Variants in ITFG1 observed in about 807,000 individuals in gnomAD.
ITFG1 encodes T-cell immunomodulatory protein.
A neutral mutation model predicts 81.8 loss-of-function variants in ITFG1; 34 were observed. That is an observed-to-expected ratio of 0.42 (90% CI 0.32 to 0.55). The LOEUF (loss-of-function observed/expected upper bound fraction) is 0.55. Among genes scored for constraint, ITFG1 ranks in the 20% least tolerant of loss-of-function variants. ITFG1 has a pLI of 0.17. For missense variants in ITFG1, 672 were observed against 755.4 expected (o/e 0.89, Z 1.29); for synonymous variants, 285 against 270.6 (o/e 1.05, Z -0.52).
chr16:47,366,694 CCT>C (rs748401377), intron 7 of ITFG1, among the ~76,000 whole-genome samples: 2 of 152,238 alleles, frequency 1.3e-5, no homozygotes, highest in South Asian at 4.2e-4. Flanking sequence ...TTATCACTGA[CCT>C]CTCTATTTTC....
At chr16:47,332,625 T>C (rs1274540635) in intron 8 of ITFG1, among the ~76,000 whole-genome samples, 1 of 152,206 alleles carries the variant, frequency 6.6e-6, no homozygotes, top group Non-Finnish European at 1.5e-5. Context: ...TAAAAGGCCA[T>C]AGAAATTATG....
rs139606914 is a variant in ITFG1 at position 47,348,489 on chromosome 16, G to A, written c.802+17299C>T. Among the ~76,000 whole-genome samples, 9 of 152,252 alleles carry A rather than the reference G, an allele frequency of 5.9e-5. No homozygotes were observed. The East Asian group carries it at 1.7e-3, about 29-fold the overall frequency. On this transcript the variant is annotated intron_variant, in intron 8 of 17. Coordinates refer to ENST00000320640, the MANE Select transcript of ITFG1 (RefSeq NM_030790.5). ...TGGAAGATCAAATGAGCAAAATGAA[G>A]TGAGAAGAGACGTTTAGAGAAAAAA...
At chr16:47,385,949 T>TC (rs1484982565) in intron 6 of ITFG1, among the ~76,000 whole-genome samples, 1 of 152,146 alleles carries the variant, frequency 6.6e-6, no homozygotes, top group Middle Eastern at 3.2e-3. Flanking sequence ...GGAAGAATAT[T>TC]CCTTTGGAGC....
At chr16:47,213,995 G>T (rs1427659202) in intron 14 of ITFG1, among the ~76,000 whole-genome samples, 1 of 152,196 alleles carries the variant, frequency 6.6e-6, no homozygotes, top group African/African-American at 2.4e-5. Flanking sequence ...CTGGATGCCT[G>T]GACTTGTGAT....
rs1028481750 is a variant in ITFG1 at position 47,451,430 on chromosome 16, T to C, written c.526A>G (p.Asn176Asp). 6 of 1,588,218 alleles carry C rather than the reference T, an allele frequency of 3.8e-6. No homozygotes were observed. Among genetic ancestry groups the C allele is most frequent in the Non-Finnish European group, 5.2e-6 (6 of 1,157,272 alleles). ...AGTATCTGTGGCTGGTTGGATTCAT[T>C]TGTGATACCAAAAATATCAGGAATT... ...DLIPDIFGIT[N>D]ESNQPQILLG... Residue 176 changes from asparagine (N) to aspartate (D), a missense_variant, in exon 5 of 18, where the codon AAT (asparagine) becomes GAT (aspartate). Physicochemically the swap from Asn to Asp is conservative, Grantham distance 23. Around this residue, in one of 3 missense-constraint regions of ITFG1, gnomAD observed 560 missense variants for 625.7 expected, o/e 0.90. Transcript: ENST00000320640.
At chr16:47,278,227 T>C (rs372564778) in intron 10 of ITFG1, among the ~76,000 whole-genome samples, 1 of 152,158 alleles carries the variant, frequency 6.6e-6, no homozygotes, top group South Asian at 2.1e-4. Flanking sequence ...TTCATGTAAA[T>C]AGAACAGACA....
At chr16:47,422,749 C>G (rs951125096) in intron 6 of ITFG1, among the ~76,000 whole-genome samples, 1 of 152,112 alleles carries the variant, frequency 6.6e-6, no homozygotes, top group Non-Finnish European at 1.5e-5. Context: ...AATTTATCCA[C>G]TTTTTCTAGA....
intron 5 of ITFG1, among the ~76,000 whole-genome samples, chr16:47,445,111 TAAAA>T (rs61015312): frequency 7.6e-6 from 1 of 131,910 alleles, no homozygotes; most frequent in Non-Finnish European, 1.7e-5. Flanking sequence ...AAATGTACAT[TAAAA>T]AAAAAAAAAA....
intron 14 of ITFG1, among the ~76,000 whole-genome samples, chr16:47,188,442 G>T (rs1013846597): frequency 1.3e-5 from 2 of 150,888 alleles, no homozygotes; most frequent in African/African-American, 4.9e-5. Context: ...CATAAAAAAT[G>T]ATGAGTTCAT....
intron 8 of ITFG1, among the ~76,000 whole-genome samples, chr16:47,327,349 T>G (rs1334980191): frequency 1.3e-5 from 2 of 152,166 alleles, no homozygotes; most frequent in African/African-American, 4.8e-5. Context: ...GACTTACATG[T>G]TAGACCTAAA....
At chr16:47,269,643 C>A (rs149930394) in intron 10 of ITFG1, among the ~76,000 whole-genome samples, 4 of 152,122 alleles carry the variant, frequency 2.6e-5, no homozygotes, top group African/African-American at 9.6e-5. Flanking sequence ...AATAAAAAAG[C>A]TATATATGCA....
At chr16:47,186,245 C>T (rs1965213652) in intron 14 of ITFG1, among the ~76,000 whole-genome samples, 1 of 152,182 alleles carries the variant, frequency 6.6e-6, no homozygotes, top group Admixed American at 6.5e-5. Flanking sequence ...AGGGAATCCT[C>T]CCTAACTCAT....
At chr16:47,428,528 G>A (rs1385196383) in intron 6 of ITFG1, among the ~76,000 whole-genome samples, 3 of 149,046 alleles carry the variant, frequency 2.0e-5, no homozygotes, top group Non-Finnish European at 3.0e-5. Context: ...AAAAAAAACA[G>A]CAGGCAACAT....
At chr16:47,218,213 T>C (rs926518938) in intron 14 of ITFG1, 2 of 152,204 alleles carry the variant, frequency 1.3e-5, no homozygotes, top group Non-Finnish European at 2.9e-5. Context: ...GTTAAAACTC[T>C]AGGCATCTTA....
At position 47,459,151 on chromosome 16, in the gene ITFG1, G is replaced by A; in HGVS notation, c.233C>T (p.Ala78Val). 1 of 1,599,460 alleles carries A rather than the reference G, an allele frequency of 6.3e-7. No individual in the cohort carries two copies. The highest frequency in any genetic ancestry group is 1.3e-5 in the African/African-American group (1 of 74,742). ...RERNDLIVFL[A>V]DQNAPYFKPK... ...TTTAAAATAGGGTGCATTCTGGTCT[G>A]CCAAAAAGACGATTAAGTCATTTCC... is the stretch of plus-strand genomic sequence containing the variant. The change falls in exon 2 of 18, where the codon GCA becomes GTA. Residue 78 changes from alanine (A) to valine (V), a missense_variant. Transcript: ENST00000320640.
intron 13 of ITFG1, among the ~76,000 whole-genome samples, chr16:47,226,169 G>T (rs957645766): frequency 6.6e-6 from 1 of 152,186 alleles, no homozygotes; most frequent in Non-Finnish European, 1.5e-5. Context: ...TCTAAGTTAC[G>T]ATGTTAGTTG....
chr16:47,454,128 G>C lies in ITFG1; in HGVS notation c.312C>G (p.Val104=). The C allele has an allele frequency of 6.2e-7, 1 of 1,606,210 alleles. No homozygotes were observed. The highest frequency in any genetic ancestry group is 2.2e-5 in the East Asian group (1 of 44,738). The change falls in exon 3 of 18, where the codon GTC becomes GTG. Residue 104 remains valine (V), a synonymous_variant. Transcript: ENST00000320640. ...KNHSALITSV[V]PGDYDGDSQM... ...GAGAATCTCCATCATAATCCCCAGG[G>C]ACTACACTTGTTATCAATGCACTGT...
At chr16:47,314,094 T>A (rs1000620041) in intron 8 of ITFG1, among the ~76,000 whole-genome samples, 4 of 152,150 alleles carry the variant, frequency 2.6e-5, no homozygotes, top group Non-Finnish European at 4.4e-5. Flanking sequence ...GAAAAACTAC[T>A]GGGTCCTATG....
chr16:47,156,007 T>G (rs1335184302), intron 17 of ITFG1, among the ~76,000 whole-genome samples: 5 of 152,338 alleles, frequency 3.3e-5, no homozygotes, highest in Admixed American at 3.3e-4. Context: ...TAAGGCACAT[T>G]AAATACTTAG....
Sources: gnomAD v4.1 joint callset for allele counts (sites outside exome capture counted in the v4.1 genomes callset) on GRCh38, gnomAD v4.1.1 for gene constraint, gnomAD v4.1.1 regional missense constraint, MANE v1.5 for transcripts, NCBI Gene and HGNC (gene_info 2026-07-23, HGNC 2026-07-21) for gene names.